Variants in PKP2 observed in about 807,000 individuals in gnomAD.
PKP2 encodes plakophilin 2.
Under a neutral mutation model 83.4 loss-of-function variants are expected in PKP2, and 73 were observed. The observed-to-expected ratio is 0.88, with a 90% CI of 0.72 to 1.06. The LOEUF (loss-of-function observed/expected upper bound fraction) is 1.06, where lower values mean the gene tolerates loss of function less well. PKP2 is among the 50% of genes least tolerant of loss of function. The pLI, the probability that PKP2 is intolerant of heterozygous loss-of-function variation, is 0.00. For synonymous variants in PKP2, 409 were observed against 430.4 expected (o/e 0.95, Z 0.62); for missense variants, 966 against 1,065.4 (o/e 0.91, Z 1.30).
rs146471942 is a variant in PKP2, at chr12:32,817,272, A to C, written c.2013+4084T>G. 3.0e-3 allele frequency among the ~76,000 whole-genome samples: 464 copies of C among 152,378 alleles called. 5 individuals are homozygous for C. Among genetic ancestry groups the C allele is most frequent in the African/African-American group, 0.01 (430 of 41,588 alleles). ...ACTTCTACCTTTCACTATGTATAAAAATTAATTCAAGATGGATTTAAGATT... is the reference window on the plus strand; with the variant it reads ...ACTTCTACCTTTCACTATGTATAAACATTAATTCAAGATGGATTTAAGATT... On this transcript the variant is annotated intron_variant, in intron 9 of 12. Transcript: ENST00000340811.
In PKP2 at chr12:32,841,324, G is replaced by T. The variant is rs533492036; in HGVS notation, c.1379-119C>A. The T allele has an allele frequency of 3.1e-5, 24 of 780,222 alleles. No homozygotes were observed. In the East Asian group the frequency reaches 3.8e-4, roughly 12 times the overall value. The allele number at this position is 780,222 out of a possible 1,614,324, so 48.3% of individuals were successfully genotyped here. Reference sequence around the variant, plus strand: ...GACTAGTCATAAAAAAATTTGGGGGGTTGGGGGGCCAGCCTCTTTCTCAAC... The same window carrying T: ...GACTAGTCATAAAAAAATTTGGGGGTTTGGGGGGCCAGCCTCTTTCTCAAC... On this transcript the variant is annotated intron_variant, in intron 5 of 12. Transcript: ENST00000340811.
chr12:32,851,720 G>A (rs574625335), intron 4 of PKP2, among the ~76,000 whole-genome samples: 6 of 152,178 alleles, frequency 3.9e-5, no homozygotes, highest in Non-Finnish European at 7.4e-5. Context: ...CACCCGCCTC[G>A]GCCTCCCAAA....
chr12:32,889,572 T>C (rs1957059410), intron 1 of PKP2, among the ~76,000 whole-genome samples: 1 of 152,226 alleles, frequency 6.6e-6, no homozygotes, highest in Non-Finnish European at 1.5e-5. Context: ...ATATCCTAGT[T>C]ACACAAATTC....
intron 5 of PKP2, among the ~76,000 whole-genome samples, chr12:32,845,101 AG>A (rs1366318054): frequency 1.3e-5 from 2 of 152,196 alleles, no homozygotes; most frequent in Admixed American, 6.5e-5. Flanking sequence ...CTAGCCAAAA[AG>A]AAAGGGATCT....
intron 2 of PKP2, 124 bp from the exon 3 acceptor site, chr12:32,878,667 G>A (rs1329160370): frequency 3.5e-6 from 3 of 855,828 alleles, no homozygotes; most frequent in Non-Finnish European, 5.5e-6. Flanking sequence ...CGAGAAGTTT[G>A]CCCCTTTCTG....
intron 5 of PKP2, among the ~76,000 whole-genome samples, chr12:32,846,741 T>C (rs1956648418): frequency 1.1e-5 from 1 of 89,024 alleles, no homozygotes; most frequent in Non-Finnish European, 2.2e-5. Context: ...ATGAAACTTC[T>C]TCTCAAAAAA....
At chr12:32,857,131 T>C (rs1956756721) in intron 4 of PKP2, among the ~76,000 whole-genome samples, 1 of 151,976 alleles carries the variant, frequency 6.6e-6, no homozygotes, top group Non-Finnish European at 1.5e-5. Context: ...CAAAAGAAGA[T>C]AATATGTTCA....
chr12:32,856,718 G>A (rs373982854), intron 4 of PKP2, among the ~76,000 whole-genome samples: 4 of 151,374 alleles, frequency 2.6e-5, no homozygotes, highest in African/African-American at 4.9e-5. Flanking sequence ...AAACCTGCAC[G>A]TTGTGCACAT....
intron 5 of PKP2, among the ~76,000 whole-genome samples, chr12:32,844,024 A>G (rs970729310): frequency 6.6e-6 from 1 of 152,254 alleles, no homozygotes; most frequent in South Asian, 2.1e-4. Flanking sequence ...AAGAAAAAGT[A>G]CACCTTACAA....
chr12:32,824,658 G>T (rs1956416622), intron 6 of PKP2, among the ~76,000 whole-genome samples: 1 of 152,138 alleles, frequency 6.6e-6, no homozygotes, highest in African/African-American at 2.4e-5. Context: ...AACTGTTATT[G>T]ACAAATATTA....
chr12:32,893,911 CTTT>C lies in PKP2; in HGVS notation c.223+2595_223+2597del, dbSNP rs138765604. 6.8e-3 allele frequency: 552 copies of C among 81,762 alleles called. 3 individuals are homozygous for C. Among genetic ancestry groups the C allele is most frequent in the African/African-American group, 0.03 (485 of 16,374 alleles). The allele number at this position is 81,762 out of a possible 1,614,324, so 5.1% of individuals were successfully genotyped here. ...ATTTCCTGCCACCAGGAGTAACTTA[CTTT>C]TTTTTTTTTTTTTTTTTTTTTTGAG... On this transcript the variant is annotated intron_variant, in intron 1 of 12. Transcript: ENST00000340811.
intron 1 of PKP2, among the ~76,000 whole-genome samples, chr12:32,884,941 A>T (rs1213691973): frequency 6.6e-6 from 1 of 152,138 alleles, no homozygotes; most frequent in East Asian, 1.9e-4. Context: ...ATGTTTCCTA[A>T]AGAAGGGGAT....
chr12:32,834,976 C>CGTGTGTGTGTGTGTGTGT lies in PKP2; in HGVS notation c.1556+6034_1556+6051dup, dbSNP rs10629969. 1.3e-4 allele frequency among the ~76,000 whole-genome samples: 15 copies of CGTGTGTGTGTGTGTGTGT among 119,446 alleles called. 1 individual carries two copies. The highest frequency in any genetic ancestry group is 2.3e-4 in the Non-Finnish European group (14 of 60,338). 78.4% of individuals were successfully genotyped at this position (119,446 alleles called of 152,430 possible). On this transcript the variant is annotated intron_variant, in intron 6 of 12. Coordinates refer to ENST00000340811, the MANE Select transcript of PKP2 (RefSeq NM_001005242.3). ...AAAAAAAAAAGGGACTCACAATAGG[C>CGTGTGTGTGTGTGTGTGT]GTGTGTGTGTGTGTGTGTGTGTGTG...
chr12:32,800,707 G>A (rs1244120006), intron 10 of PKP2, among the ~76,000 whole-genome samples: 4 of 152,250 alleles, frequency 2.6e-5, no homozygotes, highest in African/African-American at 9.6e-5. Flanking sequence ...TAAGCTCTCA[G>A]TGGATGCTAT....
intron 6 of PKP2, among the ~76,000 whole-genome samples, chr12:32,840,178 G>C (rs1956577035): frequency 6.6e-6 from 1 of 152,214 alleles, no homozygotes; most frequent in Admixed American, 6.5e-5. Flanking sequence ...ACAACTTCCA[G>C]GTGGTGCTGG....
At chr12:32,890,357 T>A (rs1469024304) in intron 1 of PKP2, among the ~76,000 whole-genome samples, 3 of 152,166 alleles carry the variant, frequency 2.0e-5, no homozygotes, top group African/African-American at 2.4e-5. Flanking sequence ...AAATAATCCA[T>A]TAAGCTTCTA....
chr12:32,884,361 G>A (rs1054043188), intron 1 of PKP2, among the ~76,000 whole-genome samples: 2 of 152,110 alleles, frequency 1.3e-5, no homozygotes, highest in Admixed American at 6.5e-5. Context: ...AGCTGAGGCA[G>A]GAGAATTACT....
In PKP2 at chr12:32,877,900, C is replaced by T. The variant is rs759660796; in HGVS notation, c.980G>A (p.Gly327Glu). The change falls in exon 3 of 13, where the codon GGG becomes GAG. Residue 327 changes from glycine to glutamate, a missense_variant. Coordinates refer to ENST00000340811, the MANE Select transcript of PKP2 (RefSeq NM_001005242.3). ...CTCAGTGAGCAGATTCCCACTTCCCCCTGCGGCCGCCTGGCCGACAGTCAA... is the reference window on the plus strand; with the variant it reads ...CTCAGTGAGCAGATTCCCACTTCCCTCTGCGGCCGCCTGGCCGACAGTCAA... Reference protein sequence around the residue: ...AHLTVGQAAAGGSGNLLTERS... With the variant: ...AHLTVGQAAAEGSGNLLTERS... 3.7e-6 allele frequency: 6 copies of T among 1,614,048 alleles called. No individual in the cohort carries two copies. Among genetic ancestry groups the T allele is most frequent in the East Asian group, 4.5e-5 (2 of 44,886 alleles).
In PKP2 at chr12:32,858,126, T is replaced by TA. The variant is rs1292787879; in HGVS notation, c.1171-7154_1171-7153insT. On this transcript the variant is annotated intron_variant, in intron 4 of 12. Transcript: ENST00000340811. ...ATATATATATATATATTTATATATA[T>TA]TTTATATTTATATATATATATATAT... Among the ~76,000 whole-genome samples the TA allele has an allele frequency of 4.2e-4, 42 of 99,046 alleles. 1 individual carries two copies. The highest frequency in any genetic ancestry group is 1.7e-3 in the African/African-American group (42 of 24,142). 65.0% of individuals were successfully genotyped at this position (99,046 alleles called of 152,430 possible).
Sources: gnomAD v4.1 joint callset for allele counts (sites outside exome capture counted in the v4.1 genomes callset) on GRCh38, gnomAD v4.1.1 for gene constraint, MANE v1.5 for transcripts, NCBI Gene and HGNC (gene_info 2026-07-23, HGNC 2026-07-21) for gene names.